The following TTC34 variants were observed in gnomAD, a reference collection of about 807,000 sequenced individuals.
The protein encoded by TTC34 is tetratricopeptide repeat protein 34.
A neutral mutation model predicts 40.7 loss-of-function variants in TTC34; 44 were observed. The ratio of observed to expected loss-of-function variants is 1.08; its 90% CI spans 0.85 to 1.39. TTC34 has a LOEUF of 1.39. Ranked by LOEUF, TTC34 falls within the 40% of genes most tolerant of loss-of-function variation. The pLI is 0.00. For synonymous variants in TTC34, 422 were observed against 398.6 expected, an observed-to-expected ratio of 1.06 and a Z score of -0.70; for missense variants, 884 against 838.0, an observed-to-expected ratio of 1.05 and a Z score of -0.68.
intron 6 of TTC34, among the ~76,000 whole-genome samples, chr1:2,651,392 C>G (rs1421466941): frequency 6.6e-6 from 1 of 151,974 alleles, no homozygotes; most frequent in Non-Finnish European, 1.5e-5. Context: ...GCAGCATTCT[C>G]CAGCCCCAGG....
intron 3 of TTC34, 63 bp downstream of exon 3, chr1:2,789,439 CG>C: frequency 7.0e-7 from 1 of 1,418,850 alleles, no homozygotes; most frequent in Non-Finnish European, 9.4e-7. Flanking sequence ...GAAACACATC[CG>C]TCGCTACCTC....
intron 6 of TTC34, among the ~76,000 whole-genome samples, chr1:2,768,481 T>C (rs1376233386): frequency 6.7e-6 from 1 of 148,560 alleles, no homozygotes. Flanking sequence ...ATTTGATAAG[T>C]GGGGAAAAGC....
intron 6 of TTC34, among the ~76,000 whole-genome samples, chr1:2,688,033 A>G (rs113329709): frequency 9.3e-6 from 1 of 106,956 alleles, no homozygotes; most frequent in Non-Finnish European, 1.8e-5. Flanking sequence ...GACTGCATGT[A>G]ACAGCACCCA....
chr1:2,749,063 C>G (rs1382575595), intron 6 of TTC34, among the ~76,000 whole-genome samples: 5 of 135,066 alleles, frequency 3.7e-5, no homozygotes, highest in African/African-American at 1.2e-4. Context: ...AATCCGACAG[C>G]CTGGAGCAGC....
At chr1:2,656,373 C>T (rs1313822839) in intron 6 of TTC34, among the ~76,000 whole-genome samples, 80 of 1,536 alleles carry the variant, frequency 0.052, 1 homozygote, top group Middle Eastern at 0.5. Flanking sequence ...ACAGCACCCA[C>T]ACCCACAGGT....
At chr1:2,650,533 G>C (rs1366286431) in intron 6 of TTC34, among the ~76,000 whole-genome samples, 1 of 150,964 alleles carries the variant, frequency 6.6e-6, no homozygotes, top group Non-Finnish European at 1.5e-5. Flanking sequence ...GCCGAAAACA[G>C]CACCCTCCAC....
chr1:2,641,468 G>A lies in TTC34; in HGVS notation c.3140C>T (p.Ala1047Val), dbSNP rs928056503. The A allele has an allele frequency of 3.4e-5, 52 of 1,535,530 alleles. No individual in the cohort carries two copies. The Middle Eastern group carries it at 5.0e-4, about 15-fold the overall frequency. Residue 1047 changes from alanine to valine, a missense_variant, in exon 9 of 9, where the codon GCG becomes GTG. Transcript: ENST00000401095. Reference sequence around the variant, plus strand: ...GTCCACCAGGAGGCCGCTCTCTACCGCCGTCCAGGCCTCTGCGTGACGCTG... The same window carrying A: ...GTCCACCAGGAGGCCGCTCTCTACCACCGTCCAGGCCTCTGCGTGACGCTG...
chr1:2,773,048 G>A (rs1642531082), intron 6 of TTC34, among the ~76,000 whole-genome samples: 1 of 148,594 alleles, frequency 6.7e-6, no homozygotes, highest in Non-Finnish European at 1.5e-5. Flanking sequence ...GCCTGGAGCA[G>A]CACGCACACC....
intron 6 of TTC34, among the ~76,000 whole-genome samples, chr1:2,685,952 A>G (rs1302807709): frequency 7.0e-6 from 1 of 141,988 alleles, no homozygotes; most frequent in African/African-American, 2.7e-5. Context: ...CGGGAACAGC[A>G]CCCACACCCA....
intron 6 of TTC34, among the ~76,000 whole-genome samples, chr1:2,655,465 C>G (rs1570761453): frequency 1.4e-5 from 2 of 144,812 alleles, no homozygotes; most frequent in Admixed American, 6.8e-5. Flanking sequence ...CCCAGGTGAG[C>G]ATCTGATATC....
intron 6 of TTC34, among the ~76,000 whole-genome samples, chr1:2,674,786 G>T: frequency 2.3e-5 from 2 of 86,098 alleles, no homozygotes; most frequent in African/African-American, 7.5e-5. Flanking sequence ...CGATGACCTG[G>T]AGCAGCACCC....
chr1:2,775,847 C>A (rs1191332993), intron 6 of TTC34, among the ~76,000 whole-genome samples: 5 of 144,238 alleles, frequency 3.5e-5, no homozygotes. Flanking sequence ...GGTGAGGATG[C>A]TCACCTGAGG....
At chr1:2,648,005 G>GTT (rs57209476) in intron 6 of TTC34, among the ~76,000 whole-genome samples, 67 of 145,368 alleles carry the variant, frequency 4.6e-4, no homozygotes, top group African/African-American at 1.6e-3. Context: ...GATTATTACT[G>GTT]TTTTTTTTTT....
At chr1:2,646,192 C>G (rs1001021573) in intron 6 of TTC34, among the ~76,000 whole-genome samples, 1 of 152,158 alleles carries the variant, frequency 6.6e-6, no homozygotes, top group African/African-American at 2.4e-5. Flanking sequence ...AATACGTAGC[C>G]TTACAGCTAT....
At chr1:2,775,774 T>G (rs542557615) in intron 6 of TTC34, 4 of 146,196 alleles carry the variant, frequency 2.7e-5, no homozygotes, top group Non-Finnish European at 4.4e-5. Flanking sequence ...TCTGAAAGCC[T>G]GGATCAACAC....
chr1:2,755,725 C>T (rs1481935673), intron 6 of TTC34, among the ~76,000 whole-genome samples: 3 of 133,244 alleles, frequency 2.3e-5, no homozygotes, highest in East Asian at 2.3e-4. Context: ...CATCCGACAG[C>T]CTGGAGCAGC....
Position 2,751,976 on chromosome 1 carries a change from G to A in TTC34, c.2226+31633C>T, listed in dbSNP as rs1205242773. On this transcript the variant is annotated intron_variant, in intron 6 of 8. Coordinates refer to ENST00000401095, the Ensembl canonical transcript of TTC34. ...TCTGGAGCAGCGCCCACACCCCCAG[G>A]CGAGCATTTGACAGCCTGGAGCAGT... is the stretch of plus-strand genomic sequence containing the variant. Among the ~76,000 whole-genome samples the A allele has an allele frequency of 5.9e-5, 7 of 117,764 alleles. 2 individuals carry two copies. The highest frequency in any genetic ancestry group is 2.7e-4 in the African/African-American group (7 of 26,312). The allele number at this position is 117,764 out of a possible 152,430, so 77.3% of individuals were successfully genotyped here. A position where few individuals can be genotyped will look rare whatever the true frequency, so the allele number is the denominator to read the frequency against.
chr1:2,759,959 C>G (rs1331598397), intron 6 of TTC34, among the ~76,000 whole-genome samples: 1,740 of 91,940 alleles, frequency 0.019, 1 homozygote, highest in African/African-American at 0.023. Flanking sequence ...AAGGCACCCA[C>G]ACCACCAGGT....
intron 6 of TTC34, among the ~76,000 whole-genome samples, chr1:2,749,372 A>C (rs1212148115): frequency 7.8e-5 from 6 of 76,490 alleles, no homozygotes; most frequent in East Asian, 4.4e-4. Flanking sequence ...TGCCCAGGTG[A>C]GACCCTGACA....
Sources: gnomAD v4.1 joint callset for allele counts (sites outside exome capture counted in the v4.1 genomes callset) on GRCh38, gnomAD v4.1.1 for gene constraint, MANE v1.5 for transcripts, NCBI Gene and HGNC (gene_info 2026-07-23, HGNC 2026-07-21) for gene names.